DSCAML1: variants seen among roughly 807,000 people sequenced by gnomAD.
DSCAML1 encodes the protein DS cell adhesion molecule like 1.
DSCAML1 carries 38 observed loss-of-function variants against 200.5 expected under a neutral mutation model. The ratio of observed to expected loss-of-function variants is 0.19; its 90% CI spans 0.15 to 0.25. The LOEUF (loss-of-function observed/expected upper bound fraction) is 0.25, where lower values mean the gene tolerates loss of function less well. DSCAML1 is among the 10% of genes least tolerant of loss of function. The pLI is 1.00. For missense variants in DSCAML1, 2,223 were observed against 2,858.8 expected (o/e 0.78, Z 5.07); for synonymous variants, 1,215 against 1,165.0 (o/e 1.04, Z -0.87).
At chr11:117,679,251 C>G (rs944867472) in intron 3 of DSCAML1, among the ~76,000 whole-genome samples, 3 of 152,168 alleles carry the variant, frequency 2.0e-5, no homozygotes, top group Non-Finnish European at 2.9e-5. Context: ...CCTCTCTGCC[C>G]TAGAGGCCCA....
chr11:117,751,744 G>A (rs2054609356), intron 3 of DSCAML1, among the ~76,000 whole-genome samples: 1 of 152,158 alleles, frequency 6.6e-6, no homozygotes, highest in Admixed American at 6.5e-5. Flanking sequence ...GGGGTGAAAG[G>A]CAAAGTGCCC....
chr11:117,663,165 C>A (rs962129123), intron 3 of DSCAML1, among the ~76,000 whole-genome samples: 3 of 152,172 alleles, frequency 2.0e-5, no homozygotes, highest in Non-Finnish European at 4.4e-5. Flanking sequence ...TGCACGCTAC[C>A]GAAAAGCCAG....
intron 3 of DSCAML1, among the ~76,000 whole-genome samples, chr11:117,751,844 G>A (rs1332303654): frequency 1.3e-5 from 2 of 152,074 alleles, no homozygotes; most frequent in African/African-American, 4.8e-5. Context: ...AGGGAAAGAG[G>A]TTTTCCTTGA....
intron 3 of DSCAML1, among the ~76,000 whole-genome samples, chr11:117,649,081 G>A (rs1483149557): frequency 6.8e-6 from 1 of 147,654 alleles, no homozygotes; most frequent in African/African-American, 2.5e-5. Context: ...GTGTGTGTGT[G>A]TGTGTGTATT....
intron 3 of DSCAML1, among the ~76,000 whole-genome samples, chr11:117,587,992 G>A (rs2051183611): frequency 6.6e-6 from 1 of 152,100 alleles, no homozygotes; most frequent in Non-Finnish European, 1.5e-5. Flanking sequence ...CACGACCACT[G>A]GCAGCAAATG....
At chr11:117,709,714 T>C (rs1433859510) in intron 3 of DSCAML1, 1 of 454,922 alleles carries the variant, frequency 2.2e-6, no homozygotes, top group Non-Finnish European at 4.4e-6. Context: ...GGCTAAGGCT[T>C]CATCAGGGGA....
chr11:117,652,801 C>G (rs1398677040), intron 3 of DSCAML1, among the ~76,000 whole-genome samples: 1 of 152,174 alleles, frequency 6.6e-6, no homozygotes, highest in Non-Finnish European at 1.5e-5. Context: ...ACCCCCTCAG[C>G]CCCATAAAAG....
chr11:117,648,394 C>T (rs1341460880), intron 3 of DSCAML1, among the ~76,000 whole-genome samples: 3 of 152,148 alleles, frequency 2.0e-5, no homozygotes, highest in African/African-American at 4.8e-5. Context: ...AACGCAGGAC[C>T]CGCTTCCACG....
chr11:117,696,078 T>C (rs1174251996), intron 3 of DSCAML1, among the ~76,000 whole-genome samples: 1 of 152,204 alleles, frequency 6.6e-6, no homozygotes, highest in East Asian at 1.9e-4. Flanking sequence ...TTAAACACGG[T>C]GAAAGCTGAA....
At chr11:117,599,792 C>T (rs2051431472) in intron 3 of DSCAML1, among the ~76,000 whole-genome samples, 1 of 152,188 alleles carries the variant, frequency 6.6e-6, no homozygotes, top group African/African-American at 2.4e-5. Context: ...TGTATAAACA[C>T]CACATCAATA....
At chr11:117,770,653 A>G (rs1254518176) in intron 3 of DSCAML1, among the ~76,000 whole-genome samples, 1 of 133,782 alleles carries the variant, frequency 7.5e-6, no homozygotes, top group African/African-American at 2.6e-5. Flanking sequence ...CATTCCTGTA[A>G]TGGGGATAAC....
At chr11:117,431,856 G>A in intron 30 of DSCAML1, 128 bp from the exon 31 acceptor site, 2 of 864,426 alleles carry the variant, frequency 2.3e-6, no homozygotes, top group Non-Finnish European at 3.4e-6. Context: ...AGCGCCCTTG[G>A]GAATGCTGCC....
Position 117,498,993 on chromosome 11 carries a change from T to G in DSCAML1, c.2359+4852A>C, listed in dbSNP as rs1256447534. ...ACGAGACCTGTCTAATAAGGTCACC[T>G]GCTGGATAAGAGGATGGCCGAGTCC... On this transcript the variant is annotated intron_variant, in intron 11 of 32. Coordinates refer to ENST00000651296, the MANE Select transcript of DSCAML1 (RefSeq NM_020693.4). This position sits in a 1 kb window ranked among gnomAD's most constrained non-coding sequence, Gnocchi z 4.0. Among the ~76,000 whole-genome samples the G allele has an allele frequency of 6.6e-6, 1 of 152,170 alleles. No individual in the cohort carries two copies. The highest frequency in any genetic ancestry group is 1.5e-5 in the Non-Finnish European group (1 of 68,030).
At chr11:117,752,780 G>A (rs896995049) in intron 3 of DSCAML1, among the ~76,000 whole-genome samples, 6 of 152,236 alleles carry the variant, frequency 3.9e-5, no homozygotes, top group African/African-American at 1.2e-4. Context: ...GGGAAACCTT[G>A]CAAATTCTAG....
intron 21 of DSCAML1, among the ~76,000 whole-genome samples, chr11:117,442,411 GTGTA>G (rs1157372639): frequency 3.9e-5 from 6 of 152,140 alleles, no homozygotes; most frequent in South Asian, 2.1e-4. Context: ...ACATTAGTAT[GTGTA>G]TGTGCGTAAA....
At chr11:117,610,710 T>C (rs192391242) in intron 3 of DSCAML1, among the ~76,000 whole-genome samples, 4 of 151,962 alleles carry the variant, frequency 2.6e-5, no homozygotes, top group Non-Finnish European at 5.9e-5. Context: ...CCATCCTTTA[T>C]AATGATTGCC....
chr11:117,687,270 AT>A (rs925530050), intron 3 of DSCAML1, among the ~76,000 whole-genome samples: 3 of 151,764 alleles, frequency 2.0e-5, no homozygotes, highest in Non-Finnish European at 4.4e-5. Flanking sequence ...TTATTTTTTA[AT>A]TTTTTTAGAG....
chr11:117,443,113 AAG>A (rs1219262390), intron 21 of DSCAML1, among the ~76,000 whole-genome samples: 3 of 152,114 alleles, frequency 2.0e-5, no homozygotes, highest in Non-Finnish European at 2.9e-5. Context: ...TGCGGTGGAT[AAG>A]AGAGTGGGGG....
rs763373926 is a variant in DSCAML1, at chr11:117,635,447, G to GT, written c.512-102926_512-102925insA. Among the ~76,000 whole-genome samples, 40 of 146,740 alleles carry GT rather than the reference G, an allele frequency of 2.7e-4. 1 individual carries two copies. Among genetic ancestry groups the GT allele is most frequent in the Non-Finnish European group, 5.0e-4 (33 of 66,112 alleles). On this transcript the variant is annotated intron_variant, in intron 3 of 32. Coordinates refer to ENST00000651296, the MANE Select transcript of DSCAML1 (RefSeq NM_020693.4). Reference sequence around the variant, plus strand: ...AAGTGCAGAACGTCCTAGTGTGTGTGGTGTGTGTGTGTGTGTGTGTGTGTG... The same window carrying GT: ...AAGTGCAGAACGTCCTAGTGTGTGTGTGTGTGTGTGTGTGTGTGTGTGTGTG...
Sources: gnomAD v4.1 joint callset for allele counts (sites outside exome capture counted in the v4.1 genomes callset) on GRCh38, gnomAD v4.1.1 for gene constraint, Gnocchi (gnomAD v3.1) non-coding constraint, MANE v1.5 for transcripts, NCBI Gene and HGNC (gene_info 2026-07-23, HGNC 2026-07-21) for gene names.